The following ZFPM2 variants were observed in gnomAD, a reference collection of about 807,000 sequenced individuals.
ZFPM2 encodes the protein zinc finger protein, FOG family member 2.
Under a neutral mutation model 98.6 loss-of-function variants are expected in ZFPM2, and 20 were observed. That is an observed-to-expected ratio of 0.20 (90% CI 0.14 to 0.29). The LOEUF (loss-of-function observed/expected upper bound fraction) is 0.29. ZFPM2 is among the 10% of genes least tolerant of loss of function. ZFPM2 has a pLI of 1.00. For synonymous variants in ZFPM2, 518 were observed against 502.7 expected, an observed-to-expected ratio of 1.03 and a Z score of -0.41; for missense variants, 1,310 against 1,388.6, an observed-to-expected ratio of 0.94 and a Z score of 0.90.
intron 3 of ZFPM2, among the ~76,000 whole-genome samples, chr8:105,448,916 C>G (rs1812433557): frequency 6.6e-6 from 1 of 151,932 alleles, no homozygotes; most frequent in Non-Finnish European, 1.5e-5. Flanking sequence ...GAATGTTGAC[C>G]TTATTTTGAA....
intron 5 of ZFPM2, among the ~76,000 whole-genome samples, chr8:105,749,954 A>G (rs1423902589): frequency 2.0e-5 from 3 of 152,080 alleles, no homozygotes; most frequent in Admixed American, 6.6e-5. Context: ...TGCAGGTATG[A>G]GTACACAAGA....
intron 1 of ZFPM2, among the ~76,000 whole-genome samples, chr8:105,369,542 T>C (rs1344547669): frequency 6.6e-6 from 1 of 152,132 alleles, no homozygotes; most frequent in East Asian, 1.9e-4. Context: ...TAGATGATGT[T>C]ATGAGGCTGG....
At chr8:105,526,492 TC>T (rs1814175889) in intron 3 of ZFPM2, among the ~76,000 whole-genome samples, 1 of 152,166 alleles carries the variant, frequency 6.6e-6, no homozygotes, top group South Asian at 2.1e-4. Context: ...ATGTTTGAAA[TC>T]ATTTTTTTCC....
At chr8:105,731,409 A>G (rs564347588) in intron 5 of ZFPM2, among the ~76,000 whole-genome samples, 7 of 151,654 alleles carry the variant, frequency 4.6e-5, no homozygotes, top group Non-Finnish European at 1.0e-4. Flanking sequence ...GCATGCTATA[A>G]TATCTGTGCT....
At chr8:105,452,808 T>C (rs1812514406) in intron 3 of ZFPM2, among the ~76,000 whole-genome samples, 1 of 152,064 alleles carries the variant, frequency 6.6e-6, no homozygotes, top group South Asian at 2.1e-4. Context: ...TCCAAAATTA[T>C]GCATTAAATA....
At chr8:105,721,200 G>A (rs1811654195) in intron 5 of ZFPM2, among the ~76,000 whole-genome samples, 1 of 151,750 alleles carries the variant, frequency 6.6e-6, no homozygotes, top group Non-Finnish European at 1.5e-5. Context: ...CCTACGTATA[G>A]ACAAATTTCA....
At chr8:105,547,471 G>C (rs1814733845) in intron 3 of ZFPM2, among the ~76,000 whole-genome samples, 1 of 148,500 alleles carries the variant, frequency 6.7e-6, no homozygotes, top group Admixed American at 6.8e-5. Flanking sequence ...GAACCCGGGA[G>C]GCGGAGGTTG....
chr8:105,708,678 A>T (rs1811315976), intron 5 of ZFPM2, among the ~76,000 whole-genome samples: 1 of 152,158 alleles, frequency 6.6e-6, no homozygotes, highest in Non-Finnish European at 1.5e-5. Context: ...TCCTGGGCTC[A>T]AGCGGTCCAC....
intron 4 of ZFPM2, among the ~76,000 whole-genome samples, chr8:105,619,319 A>G (rs897472938): frequency 3.3e-5 from 5 of 152,248 alleles, no homozygotes; most frequent in African/African-American, 1.2e-4. Flanking sequence ...AGCTTAAAAT[A>G]TAATGAGCTT....
intron 3 of ZFPM2, among the ~76,000 whole-genome samples, chr8:105,450,607 C>G (rs1812465305): frequency 6.6e-6 from 1 of 151,972 alleles, no homozygotes; most frequent in African/African-American, 2.4e-5. Context: ...ATGACTCTTG[C>G]CGGATGAAGA....
intron 1 of ZFPM2, among the ~76,000 whole-genome samples, chr8:105,393,386 C>CTTTCTTTCCTTTA: frequency 7.1e-6 from 1 of 140,834 alleles, no homozygotes; most frequent in South Asian, 2.2e-4. Flanking sequence ...TTCTTTCTTT[C>CTTTCTTTCCTTTA]TTTCTTCTTC....
chr8:105,691,231 CTTTTTTTTT>C (rs869164122), intron 5 of ZFPM2, among the ~76,000 whole-genome samples: 7 of 67,964 alleles, frequency 1.0e-4, no homozygotes, highest in Admixed American at 1.6e-4. Context: ...CCCAAAGAGA[CTTTTTTTTT>C]TTTTTTTTTT....
At chr8:105,337,948 A>G (rs918018678) in intron 1 of ZFPM2, among the ~76,000 whole-genome samples, 2 of 151,726 alleles carry the variant, frequency 1.3e-5, no homozygotes, top group African/African-American at 4.8e-5. Context: ...TTTGTGTGCT[A>G]CAAATTGGTT....
At chr8:105,546,984 A>G (rs1401118717) in intron 3 of ZFPM2, among the ~76,000 whole-genome samples, 1 of 151,636 alleles carries the variant, frequency 6.6e-6, no homozygotes, top group African/African-American at 2.4e-5. Flanking sequence ...TTTTTTGGGG[A>G]GGAGGTCAGA....
At chr8:105,404,153 T>A (rs1352511106) in intron 1 of ZFPM2, among the ~76,000 whole-genome samples, 1 of 152,118 alleles carries the variant, frequency 6.6e-6, no homozygotes, top group Admixed American at 6.6e-5. Flanking sequence ...ACAAGTTGCT[T>A]CTTTCCAGAG....
At chr8:105,587,291 A>C (rs2130756297) in intron 4 of ZFPM2, among the ~76,000 whole-genome samples, 1 of 151,610 alleles carries the variant, frequency 6.6e-6, no homozygotes, top group African/African-American at 2.4e-5. Flanking sequence ...AAAAAAAAAA[A>C]AAAAAAAGCT....
chr8:105,754,946 ATGTGTGTGTGTGTGTGTG>A (rs34267329), intron 5 of ZFPM2, among the ~76,000 whole-genome samples: 20 of 146,550 alleles, frequency 1.4e-4, no homozygotes, highest in African/African-American at 4.7e-4. Flanking sequence ...GAAATTTAAT[ATGTGTGTGTGTGTGTGTG>A]TGTGTGTGTG....
At chr8:105,791,380 G>A in intron 6 of ZFPM2, among the ~76,000 whole-genome samples, 1 of 152,106 alleles carries the variant, frequency 6.6e-6, no homozygotes. Context: ...CTGTTTATAT[G>A]CTGGATTACA....
In ZFPM2 at chr8:105,652,289, A is replaced by G. The variant is rs9987097; in HGVS notation, c.532+17932A>G. On this transcript the variant is annotated intron_variant, in intron 5 of 7. Coordinates refer to ENST00000407775, the MANE Select transcript of ZFPM2 (RefSeq NM_012082.4). ...TACCACTGATGTAGAAGTCAAGCCC[A>G]TTTTTGAAGCCTATTTTTAAAATTA... Among the ~76,000 whole-genome samples, 8 of 89,294 alleles carry G rather than the reference A, an allele frequency of 9.0e-5. 2 individuals are homozygous for G. Among genetic ancestry groups the G allele is most frequent in the African/African-American group, 3.9e-4 (8 of 20,530 alleles). 58.6% of individuals were successfully genotyped at this position (89,294 alleles called of 152,430 possible). A position where few individuals can be genotyped will look rare whatever the true frequency, so the allele number is the denominator to read the frequency against.
Sources: gnomAD v4.1 joint callset for allele counts (sites outside exome capture counted in the v4.1 genomes callset) on GRCh38, gnomAD v4.1.1 for gene constraint, MANE v1.5 for transcripts, NCBI Gene and HGNC (gene_info 2026-07-23, HGNC 2026-07-21) for gene names.